Variants in SLC1A6 observed in about 807,000 individuals in gnomAD.
SLC1A6 encodes the protein solute carrier family 1 member 6, also known as excitatory amino acid transporter 4.
SLC1A6 carries 15 observed loss-of-function variants against 42.1 expected under a neutral mutation model. That is an observed-to-expected ratio of 0.36 (90% CI 0.24 to 0.55). The LOEUF is 0.55. SLC1A6 is among the 20% of genes least tolerant of loss of function. The pLI, the probability that SLC1A6 is intolerant of heterozygous loss-of-function variation, is 0.88. For missense variants in SLC1A6, 542 were observed against 772.5 expected, an observed-to-expected ratio of 0.70 and a Z score of 3.54; for synonymous variants, 317 against 319.7, an observed-to-expected ratio of 0.99 and a Z score of 0.09.
chr19:14,982,684 G>C (rs1487906416), upstream of SLC1A6, among the ~76,000 whole-genome samples: 1 of 152,208 alleles, frequency 6.6e-6, no homozygotes, highest in Non-Finnish European at 1.5e-5. Context: ...GGAGCTGTCT[G>C]TACTATCTTT....
At position 14,979,502 on chromosome 19, in the gene SLC1A6, T is replaced by A. The variant is rs7259656; in HGVS notation, c.-201A>T. On this transcript the variant is annotated 5_prime_UTR_variant, in exon 1 of 10. Coordinates refer to ENST00000594383, the MANE Select transcript of SLC1A6 (RefSeq NM_005071.3). This position sits in a 1 kb window ranked among gnomAD's most constrained non-coding sequence, Gnocchi z 4.2. ...CGAGTCCCCGCGCCGAGCCGCGGAGTCCCCACTCACCGGCGTCCGGAGCGG... is the reference window on the plus strand; with the variant it reads ...CGAGTCCCCGCGCCGAGCCGCGGAGACCCCACTCACCGGCGTCCGGAGCGG... 1 of 150,882 alleles carries A rather than the reference T, an allele frequency of 6.6e-6. No individual in the cohort carries two copies. The allele number at this position is 150,882 out of a possible 1,614,324, so 9.3% of individuals were successfully genotyped here.
Position 14,979,244 on chromosome 19 carries a change from CG to C in SLC1A6, c.-8+64del, listed in dbSNP as rs79352986. ...GAAACGTGCCTGTGTGCGGAGGCCA[CG>C]GGTTGGGGAGGTGGGGAGACGGGCA... On this transcript the variant is annotated intron_variant, in intron 1 of 9. Transcript: ENST00000594383. The surrounding 1 kb of genome is among the most constrained non-coding windows in gnomAD (Gnocchi z 4.2). 0.12 allele frequency: 18,777 copies of C among 152,054 alleles called. 1,337 individuals are homozygous for C. Among genetic ancestry groups the C allele is most frequent in the African/African-American group, 0.21 (8,582 of 41,454 alleles). The allele number at this position is 152,054 out of a possible 1,614,324, so 9.4% of individuals were successfully genotyped here.
intron 6 of SLC1A6, among the ~76,000 whole-genome samples, chr19:14,957,907 T>A (rs1014245187): frequency 1.3e-5 from 2 of 152,160 alleles, no homozygotes; most frequent in African/African-American, 4.8e-5. Context: ...GAGATGGGCA[T>A]GCACTAGGAG....
intron 1 of SLC1A6, among the ~76,000 whole-genome samples, chr19:15,003,494 C>A (rs1373084551): frequency 6.6e-6 from 1 of 152,142 alleles, no homozygotes; most frequent in East Asian, 1.9e-4. Context: ...GGTCATATCC[C>A]CCTGGAATGA....
At chr19:14,998,137 A>G (rs7258634) in intron 1 of SLC1A6, among the ~76,000 whole-genome samples, 35,924 of 152,072 alleles carry the variant, frequency 0.24, 4,529 homozygotes, top group Non-Finnish European at 0.27. Context: ...GCATTCCAAA[A>G]TTAACCTGAA....
chr19:15,010,467 C>A, intron 1 of SLC1A6: 1 of 508,104 alleles, frequency 2.0e-6, no homozygotes, highest in Non-Finnish European at 3.8e-6. Context: ...AGAAGCCTGG[C>A]CCTTCTTCCA....
rs2045747781 is a variant in SLC1A6, at chr19:14,979,338, C to A, written c.-37G>T. The stretch of plus-strand genomic sequence containing the variant: ...ACGACCAGGAGAAAAGCGGTGGCAA[C>A]GGCTCTAAGGGGCAAGCAGGAGCTC... On this transcript the variant is annotated 5_prime_UTR_variant, in exon 1 of 10. Coordinates refer to ENST00000594383, the MANE Select transcript of SLC1A6 (RefSeq NM_005071.3). The surrounding 1 kb of genome is among the most constrained non-coding windows in gnomAD (Gnocchi z 4.2). 1.3e-5 allele frequency: 2 copies of A among 152,498 alleles called. No homozygotes were observed. The highest frequency in any genetic ancestry group is 4.8e-5 in the African/African-American group (2 of 41,562). 9.4% of individuals were successfully genotyped at this position (152,498 alleles called of 1,614,324 possible).
intron 1 of SLC1A6, chr19:14,975,340 A>G (rs2045692313): frequency 7.6e-6 from 1 of 131,510 alleles, no homozygotes; most frequent in South Asian, 2.5e-4. Context: ...GTTTGAGATG[A>G]TGGATGTGCT....
chr19:14,958,083 C>T (rs867676626), intron 6 of SLC1A6, among the ~76,000 whole-genome samples: 14 of 152,112 alleles, frequency 9.2e-5, no homozygotes, highest in South Asian at 2.1e-4. Context: ...CATCTCATTT[C>T]GAGGCTTCAA....
chr19:14,969,625 G>A (rs546759513), intron 3 of SLC1A6, among the ~76,000 whole-genome samples: 14 of 152,088 alleles, frequency 9.2e-5, no homozygotes, highest in African/African-American at 2.9e-4. Context: ...GAGCTATCCC[G>A]CAATAAATCA....
At chr19:14,966,876 G>A (rs182425312) in intron 4 of SLC1A6, among the ~76,000 whole-genome samples, 1 of 151,942 alleles carries the variant, frequency 6.6e-6, no homozygotes, top group African/African-American at 2.4e-5. Context: ...GGGCCTTTTG[G>A]GGGCTGTGGG....
intron 1 of SLC1A6, among the ~76,000 whole-genome samples, chr19:14,991,415 A>T (rs982965709): frequency 7.2e-5 from 11 of 152,188 alleles, no homozygotes; most frequent in Non-Finnish European, 1.2e-4. Flanking sequence ...ACTAGAGGTC[A>T]GGAGTTCAAG....
chr19:14,954,357 T>C (rs757465), intron 7 of SLC1A6, 28 bp from the exon 8 acceptor site: 1,086,359 of 1,597,252 alleles, frequency 0.68, 371,721 homozygotes, highest in African/African-American at 0.84. Context: ...GGACTGAGGA[T>C]GGGGCGTGGC....
upstream of SLC1A6, among the ~76,000 whole-genome samples, chr19:14,983,176 A>G (rs2045776190): frequency 6.6e-6 from 1 of 152,202 alleles, no homozygotes; most frequent in Non-Finnish European, 1.5e-5. Flanking sequence ...CGGCGTGAAC[A>G]TTTGTAGCTG....
chr19:14,962,656 G>A (rs146087709), intron 5 of SLC1A6, among the ~76,000 whole-genome samples: 9 of 152,308 alleles, frequency 5.9e-5, no homozygotes, highest in African/African-American at 1.7e-4. Context: ...TGTAATCCCA[G>A]CACTTTGGAA....
At chr19:14,957,576 G>A (rs1337416224) in intron 6 of SLC1A6, among the ~76,000 whole-genome samples, 2 of 152,282 alleles carry the variant, frequency 1.3e-5, no homozygotes, top group East Asian at 3.9e-4. Flanking sequence ...TGGGTGCCTT[G>A]AACTTAGACT....
intron 1 of SLC1A6, chr19:14,973,329 A>G: frequency 5.9e-6 from 1 of 170,616 alleles, no homozygotes; most frequent in East Asian, 1.8e-4. Context: ...CCAAGGCAAG[A>G]GGATCGCTTG....
chr19:14,968,260 C>A, intron 4 of SLC1A6, 43 bp downstream of exon 4: 2 of 1,445,360 alleles, frequency 1.4e-6, no homozygotes, highest in South Asian at 2.4e-5. Flanking sequence ...AATAAAGTCT[C>A]CTTTTTCAAA....
At chr19:14,972,636 A>T (rs1293690074) in intron 2 of SLC1A6, 70 bp downstream of exon 2, 3 of 1,321,274 alleles carry the variant, frequency 2.3e-6, no homozygotes, top group Non-Finnish European at 2.2e-6. Context: ...AGAGATGTGT[A>T]GAGGCCAGGA....
Sources: allele counts gnomAD v4.1 joint callset (sites outside exome capture counted in the v4.1 genomes callset), GRCh38; gene constraint gnomAD v4.1.1; non-coding constraint Gnocchi (gnomAD v3.1); transcripts MANE v1.5; gene names NCBI Gene and HGNC (gene_info 2026-07-23, HGNC 2026-07-21).